The following DNMT3A variants were observed in gnomAD, a reference collection of about 807,000 sequenced individuals.
DNMT3A encodes the protein DNA methyltransferase 3 alpha.
Under a neutral mutation model 117.6 loss-of-function variants are expected in DNMT3A, and 267 were observed. The observed-to-expected ratio is 2.27, with a 90% CI of 2.05 to 2.51. The LOEUF (loss-of-function observed/expected upper bound fraction) is 2.51, where lower values mean the gene tolerates loss of function less well. Ranked by LOEUF, DNMT3A falls within the 30% of genes most tolerant of loss-of-function variation. The pLI, the probability that DNMT3A is intolerant of heterozygous loss-of-function variation, is 0.00. For synonymous variants in DNMT3A, 432 were observed against 474.8 expected, an observed-to-expected ratio of 0.91 and a Z score of 1.17; for missense variants, 1,029 against 1,260.2, an observed-to-expected ratio of 0.82 and a Z score of 2.78.
intron 6 of DNMT3A, among the ~76,000 whole-genome samples, chr2:25,271,477 C>T (rs1033575441): frequency 6.6e-6 from 1 of 152,228 alleles, no homozygotes; most frequent in Non-Finnish European, 1.5e-5. Flanking sequence ...CTAGCCCCTT[C>T]CTAACCCCAG....
chr2:25,247,384 G>C lies in DNMT3A; in HGVS notation c.1014+207C>G, dbSNP rs1240145371. ...ATTCTAGTGAATAGGTTCCTGGAAG[G>C]CTAAAACTGGGCCAGCATCCTAGCT... On this transcript the variant is annotated intron_variant, in intron 8 of 22. Transcript: ENST00000321117. The surrounding 1 kb of genome is among the most constrained non-coding windows in gnomAD (Gnocchi z 5.6). 3 of 868,448 alleles carry C rather than the reference G, an allele frequency of 3.5e-6. No individual in the cohort carries two copies. Among genetic ancestry groups the C allele is most frequent in the African/African-American group, 1.7e-5 (1 of 58,778 alleles). 53.8% of individuals were successfully genotyped at this position (868,448 alleles called of 1,614,324 possible).
At position 25,281,561 on chromosome 2, in the gene DNMT3A, C is replaced by G; in HGVS notation, c.448+880G>C. ...TAATCAATTTACTCATTTCATCATA[C>G]ACGCTTGGAAGGAAGACTTTTTGAA... On this transcript the variant is annotated intron_variant, in intron 4 of 22. Transcript: ENST00000321117. This position sits in a 1 kb window ranked among gnomAD's most constrained non-coding sequence, Gnocchi z 4.8. 9.4e-7 allele frequency: 1 copy of G among 1,062,764 alleles called. No individual in the cohort carries two copies. Among genetic ancestry groups the G allele is most frequent in the Non-Finnish European group, 1.1e-6 (1 of 877,664 alleles). 65.8% of individuals were successfully genotyped at this position (1,062,764 alleles called of 1,614,324 possible). A position where few individuals can be genotyped will look rare whatever the true frequency, so the allele number is the denominator to read the frequency against.
chr2:25,340,857 GCGGCCCGGGCCCGGGCC>G (rs1243065038), intron 1 of DNMT3A, among the ~76,000 whole-genome samples: 2 of 86,756 alleles, frequency 2.3e-5, no homozygotes, highest in African/African-American at 8.7e-5. Context: ...TCCGGCCCCC[GCGGCCCGGGCCCGGGCC>G]CGGGATCCTC....
At position 25,281,623 on chromosome 2, in the gene DNMT3A, C is replaced by T. The variant is rs1338741897; in HGVS notation, c.448+818G>A. ...CATATGCAAAACAACCTGGCAGGGC[C>T]CTGGGAGGATCAAATGTGATAATGT... On this transcript the variant is annotated intron_variant, in intron 4 of 22. Transcript: ENST00000321117. The surrounding 1 kb of genome is among the most constrained non-coding windows in gnomAD (Gnocchi z 4.8). 6 of 1,064,964 alleles carry T rather than the reference C, an allele frequency of 5.6e-6. No homozygotes were observed. The highest frequency in any genetic ancestry group is 6.8e-6 in the Non-Finnish European group (6 of 879,026). 66.0% of individuals were successfully genotyped at this position (1,064,964 alleles called of 1,614,324 possible).
rs2031400263 is a variant in DNMT3A at position 25,276,276 on chromosome 2, T to C, written c.449-733A>G. On this transcript the variant is annotated intron_variant, in intron 4 of 22. Transcript: ENST00000321117. Reference sequence around the variant, plus strand: ...AGCCTTTAATCTAGAAGACTTGAGTTTGGATTCCAGTGTGACCTCTGTAAC... The same window carrying C: ...AGCCTTTAATCTAGAAGACTTGAGTCTGGATTCCAGTGTGACCTCTGTAAC... Among the ~76,000 whole-genome samples, 3 of 152,088 alleles carry C rather than the reference T, an allele frequency of 2.0e-5. No homozygotes were observed. In the South Asian group the frequency reaches 6.2e-4, roughly 32 times the overall value.
chr2:25,330,548 C>A (rs1455067047), intron 1 of DNMT3A, among the ~76,000 whole-genome samples: 1 of 152,240 alleles, frequency 6.6e-6, no homozygotes, highest in Non-Finnish European at 1.5e-5. Flanking sequence ...ACGGCCCTCA[C>A]AGAGGAAGCG....
chr2:25,244,007 G>A, intron 15 of DNMT3A, 25 bp from the exon 16 acceptor site: 1 of 1,549,358 alleles, frequency 6.5e-7, no homozygotes. Flanking sequence ...CAACAGGTCA[G>A]ATGCAGGCCC....
In DNMT3A at chr2:25,295,013, A is replaced by G. The variant is rs1315827291; in HGVS notation, c.177+5126T>C. 2.0e-5 allele frequency among the ~76,000 whole-genome samples: 3 copies of G among 152,302 alleles called. No homozygotes were observed. The East Asian group carries it at 5.8e-4, about 29-fold the overall frequency. On this transcript the variant is annotated intron_variant, in intron 3 of 22. Transcript: ENST00000321117. ...AATGAATAAATACGCATCGCTAGTA[A>G]ATAGGGGATGGAGCCCCACAGGGCC...
intron 6 of DNMT3A, among the ~76,000 whole-genome samples, chr2:25,269,906 G>C (rs79964592): frequency 0.016 from 2,499 of 152,264 alleles, 24 homozygotes; most frequent in Non-Finnish European, 0.026. Context: ...AAGCCTGAAG[G>C]GGGTAATCTG....
At chr2:25,273,896 G>C (rs1018349220) in intron 6 of DNMT3A, among the ~76,000 whole-genome samples, 4 of 152,300 alleles carry the variant, frequency 2.6e-5, no homozygotes, top group East Asian at 1.9e-4. Context: ...CCTACTGCCT[G>C]CCACTCCTCC....
Position 25,305,854 on chromosome 2 carries a change from G to C in DNMT3A, c.73-5611C>G, listed in dbSNP as rs1404038385. On this transcript the variant is annotated intron_variant, in intron 2 of 22. Coordinates refer to ENST00000321117, the MANE Select transcript of DNMT3A (RefSeq NM_022552.5). The surrounding 1 kb of genome is among the most constrained non-coding windows in gnomAD (Gnocchi z 4.1). ...TTATGTCTCTTGAGGCCCTCACCTAGAGACAGCCAGCCTGACATACGTGTA... is the reference window on the plus strand; with the variant it reads ...TTATGTCTCTTGAGGCCCTCACCTACAGACAGCCAGCCTGACATACGTGTA... 6.6e-6 allele frequency among the ~76,000 whole-genome samples: 1 copy of C among 152,212 alleles called. No homozygotes were observed. Among genetic ancestry groups the C allele is most frequent in the Non-Finnish European group, 1.5e-5 (1 of 68,038 alleles).
upstream of DNMT3A, chr2:25,341,935 C>G (rs2035479785): frequency 1.0e-6 from 1 of 975,184 alleles, no homozygotes. Context: ...CGCCCTCCCT[C>G]CCTCCCGGCC....
In DNMT3A at chr2:25,252,775, A is replaced by C. The variant is rs1369147471; in HGVS notation, c.640-4523T>G. On this transcript the variant is annotated intron_variant, in intron 6 of 22. Transcript: ENST00000321117. The surrounding 1 kb of genome is among the most constrained non-coding windows in gnomAD (Gnocchi z 5.5). ...AGTTTCTCTGAAGCACAACCAAAAA[A>C]AAAAAAAGAAAAAGCTTACAGATAG... is the stretch of plus-strand genomic sequence containing the variant. 2.0e-5 allele frequency among the ~76,000 whole-genome samples: 3 copies of C among 152,098 alleles called. No homozygotes were observed. In the East Asian group the frequency reaches 5.8e-4, roughly 29 times the overall value.
rs1343996353 is a variant in DNMT3A at position 25,257,524 on chromosome 2, A to G, written c.640-9272T>C. Among the ~76,000 whole-genome samples, 3 of 152,216 alleles carry G rather than the reference A, an allele frequency of 2.0e-5. No individual in the cohort carries two copies. The highest frequency in any genetic ancestry group is 6.8e-3 in the Middle Eastern group (2 of 294). On this transcript the variant is annotated intron_variant, in intron 6 of 22. Transcript: ENST00000321117. The surrounding 1 kb of genome is among the most constrained non-coding windows in gnomAD (Gnocchi z 4.8). The stretch of plus-strand genomic sequence containing the variant: ...AGAAGTGGGGGTCTGGTCTTGGCTT[A>G]GCCGGCATGACCAGGAAACACCCGC...
chr2:25,331,168 C>T (rs1300587325), intron 1 of DNMT3A, among the ~76,000 whole-genome samples: 1 of 152,236 alleles, frequency 6.6e-6, no homozygotes, highest in Non-Finnish European at 1.5e-5. Flanking sequence ...CTTCCAATGA[C>T]ACGCAGCAAG....
At chr2:25,340,790 G>A (rs2035391018) in intron 1 of DNMT3A, among the ~76,000 whole-genome samples, 1 of 151,132 alleles carries the variant, frequency 6.6e-6, no homozygotes, top group Admixed American at 6.6e-5. Context: ...GCGACCCCGG[G>A]CGTACCCCCC....
intron 14 of DNMT3A, 92 bp from the exon 15 acceptor site, chr2:25,244,430 G>A: frequency 6.4e-7 from 1 of 1,570,762 alleles, no homozygotes; most frequent in Non-Finnish European, 8.7e-7. Flanking sequence ...CGGGTCTGGA[G>A]CATGGCTAGG....
chr2:25,314,020 C>T lies in DNMT3A; in HGVS notation c.-36G>A. On this transcript the variant is annotated 5_prime_UTR_variant, in exon 2 of 23. Coordinates refer to ENST00000321117, the MANE Select transcript of DNMT3A (RefSeq NM_022552.5). ...GGAGGCAGGCTGGGGCTGCGCGGGGCTGGGGGGCTGCTGGGCTTTGGGGAA... is the reference window on the plus strand; with the variant it reads ...GGAGGCAGGCTGGGGCTGCGCGGGGTTGGGGGGCTGCTGGGCTTTGGGGAA... The T allele has an allele frequency of 1.3e-6, 2 of 1,504,574 alleles. No individual in the cohort carries two copies. Among genetic ancestry groups the T allele is most frequent in the Non-Finnish European group, 8.9e-7 (1 of 1,126,898 alleles). The allele number at this position is 1,504,574 out of a possible 1,614,324, so 93.2% of individuals were successfully genotyped here. A position where few individuals can be genotyped will look rare whatever the true frequency, so the allele number is the denominator to read the frequency against.
At chr2:25,326,535 A>G (rs777817501) in intron 1 of DNMT3A, among the ~76,000 whole-genome samples, 17 of 152,164 alleles carry the variant, frequency 1.1e-4, no homozygotes, top group Admixed American at 2.6e-4. Flanking sequence ...CCCTTTAACT[A>G]CTTTTCCTTT....
Sources: allele counts gnomAD v4.1 joint callset (sites outside exome capture counted in the v4.1 genomes callset), GRCh38; gene constraint gnomAD v4.1.1; non-coding constraint Gnocchi (gnomAD v3.1); transcripts MANE v1.5; gene names NCBI Gene and HGNC (gene_info 2026-07-23, HGNC 2026-07-21).